The following NPAS3 variants were observed in gnomAD, a reference collection of about 807,000 sequenced individuals.
The protein encoded by NPAS3 is neuronal PAS domain-containing protein 3.
Under a neutral mutation model 73.1 loss-of-function variants are expected in NPAS3, and 14 were observed. That is an observed-to-expected ratio of 0.19 (90% CI 0.13 to 0.30). The LOEUF (loss-of-function observed/expected upper bound fraction) is 0.30, where lower values mean the gene tolerates loss of function less well. Ranked by LOEUF, NPAS3 falls within the 10% of genes least tolerant of loss-of-function variation. The pLI, the probability that NPAS3 is intolerant of heterozygous loss-of-function variation, is 1.00. For synonymous variants in NPAS3, 620 were observed against 541.5 expected, an observed-to-expected ratio of 1.14 and a Z score of -2.01; for missense variants, 1,096 against 1,250.0, an observed-to-expected ratio of 0.88 and a Z score of 1.86.
At chr14:33,469,646 T>C (rs2050692989) in intron 4 of NPAS3, among the ~76,000 whole-genome samples, 1 of 152,192 alleles carries the variant, frequency 6.6e-6, no homozygotes, top group African/African-American at 2.4e-5. Context: ...ATCCCGCCAG[T>C]TACCTAGGCT....
chr14:33,612,399 C>T (rs773877248), intron 5 of NPAS3: 10 of 455,886 alleles, frequency 2.2e-5, no homozygotes, highest in Admixed American at 7.1e-5. Context: ...TTTCTACCCT[C>T]CACAGGCACA....
At chr14:33,102,558 T>C (rs1211375152) in intron 2 of NPAS3, among the ~76,000 whole-genome samples, 2 of 152,162 alleles carry the variant, frequency 1.3e-5, no homozygotes, top group Admixed American at 1.3e-4. Flanking sequence ...GCCCAATAAA[T>C]GTTAACTGTT....
intron 2 of NPAS3, among the ~76,000 whole-genome samples, chr14:33,101,480 G>T (rs893757705): frequency 1.3e-5 from 2 of 152,170 alleles, no homozygotes; most frequent in African/African-American, 4.8e-5. Flanking sequence ...TACATGTAGC[G>T]ATTGAAAAAG....
chr14:33,793,120 C>T (rs1011048783), intron 9 of NPAS3, among the ~76,000 whole-genome samples: 2 of 152,214 alleles, frequency 1.3e-5, no homozygotes, highest in African/African-American at 2.4e-5. Context: ...TTAAAGCTCT[C>T]TTTCAGTGGG....
chr14:33,727,985 C>T (rs1272077696), intron 6 of NPAS3, among the ~76,000 whole-genome samples: 1 of 152,176 alleles, frequency 6.6e-6, no homozygotes, highest in African/African-American at 2.4e-5. Context: ...CTTTACGATA[C>T]TCAGTTTTTC....
chr14:33,794,832 G>A (rs2063465076), intron 10 of NPAS3, among the ~76,000 whole-genome samples: 1 of 152,078 alleles, frequency 6.6e-6, no homozygotes, highest in African/African-American at 2.4e-5. Context: ...TCTTGAGTTT[G>A]GGGGCAGGCT....
At chr14:33,661,478 A>G (rs2059307186) in intron 5 of NPAS3, among the ~76,000 whole-genome samples, 1 of 152,232 alleles carries the variant, frequency 6.6e-6, no homozygotes, top group Admixed American at 6.5e-5. Context: ...ATCACAGAAA[A>G]TAATCCTTGT....
At chr14:32,975,718 G>T (rs1345756268) in intron 1 of NPAS3, among the ~76,000 whole-genome samples, 2 of 152,094 alleles carry the variant, frequency 1.3e-5, no homozygotes, top group Non-Finnish European at 2.9e-5. Context: ...TAGTCCAACA[G>T]ATCATGAAGG....
intron 2 of NPAS3, among the ~76,000 whole-genome samples, chr14:33,077,275 G>A (rs2041692603): frequency 6.6e-6 from 1 of 152,156 alleles, no homozygotes; most frequent in Admixed American, 6.5e-5. Flanking sequence ...GGGTGACAAT[G>A]AGCATAGTTG....
At chr14:33,169,973 G>A (rs2045326797) in intron 2 of NPAS3, among the ~76,000 whole-genome samples, 1 of 152,238 alleles carries the variant, frequency 6.6e-6, no homozygotes, top group Non-Finnish European at 1.5e-5. Context: ...GATACATCTT[G>A]TAGTTTTGTG....
At chr14:33,757,485 G>A (rs2062150763) in intron 7 of NPAS3, among the ~76,000 whole-genome samples, 1 of 152,078 alleles carries the variant, frequency 6.6e-6, no homozygotes, top group Non-Finnish European at 1.5e-5. Context: ...AGATACTCTA[G>A]GAAGATGAAT....
At chr14:33,375,979 A>G (rs1255976997) in intron 4 of NPAS3, among the ~76,000 whole-genome samples, 1 of 152,132 alleles carries the variant, frequency 6.6e-6, no homozygotes, top group Non-Finnish European at 1.5e-5. Context: ...TTTTCTGTTG[A>G]GATTAATGTT....
At chr14:33,672,991 T>G (rs2059655279) in intron 5 of NPAS3, among the ~76,000 whole-genome samples, 1 of 152,234 alleles carries the variant, frequency 6.6e-6, no homozygotes, top group Non-Finnish European at 1.5e-5. Flanking sequence ...TGACAATGAC[T>G]CAGGTGCATA....
intron 4 of NPAS3, among the ~76,000 whole-genome samples, chr14:33,543,408 C>G (rs1235344343): frequency 6.6e-6 from 1 of 152,192 alleles, no homozygotes; most frequent in Non-Finnish European, 1.5e-5. Flanking sequence ...TCTTTCTTCA[C>G]ATTCTTTATA....
rs924386437 is a variant in NPAS3 at position 32,960,194 on chromosome 14, GT to G, written c.50+20837del. ...TTTATGTTTTCTTTGTATTTATGTA[GT>G]TTTTTTTTCCATTGACTTAAATATT... On this transcript the variant is annotated intron_variant, in intron 1 of 11. Coordinates refer to ENST00000356141, the Ensembl canonical transcript of NPAS3. 6.6e-4 allele frequency among the ~76,000 whole-genome samples: 99 copies of G among 151,016 alleles called. 1 individual carries two copies. The highest frequency in any genetic ancestry group is 6.3e-4 in the African/African-American group (26 of 41,214).
At chr14:33,155,599 T>C (rs1037917792) in intron 2 of NPAS3, among the ~76,000 whole-genome samples, 1 of 152,198 alleles carries the variant, frequency 6.6e-6, no homozygotes, top group South Asian at 2.1e-4. Flanking sequence ...ACTGTGCTAG[T>C]TGCTTAAGAG....
At chr14:33,182,477 G>T (rs1010627611) in intron 2 of NPAS3, among the ~76,000 whole-genome samples, 1 of 152,050 alleles carries the variant, frequency 6.6e-6, no homozygotes, top group Non-Finnish European at 1.5e-5. Context: ...CAAACTTAAA[G>T]GTTGTAACAA....
chr14:33,692,328 A>G (rs910196826), intron 6 of NPAS3, among the ~76,000 whole-genome samples: 3 of 152,166 alleles, frequency 2.0e-5, no homozygotes, highest in African/African-American at 7.2e-5. Context: ...TGATAAAAGA[A>G]CATCTATTTT....
upstream of NPAS3, among the ~76,000 whole-genome samples, chr14:32,936,024 C>T (rs118072578): frequency 5.5e-4 from 84 of 152,336 alleles, no homozygotes; most frequent in East Asian, 0.015. Flanking sequence ...TTGCCAATGG[C>T]ATTTAACTTA....
Sources: gnomAD v4.1 joint callset for allele counts (sites outside exome capture counted in the v4.1 genomes callset) on GRCh38, gnomAD v4.1.1 for gene constraint, MANE v1.5 for transcripts, NCBI Gene and HGNC (gene_info 2026-07-23, HGNC 2026-07-21) for gene names.